STX8: variants seen among roughly 807,000 people sequenced by gnomAD.
STX8 encodes syntaxin-8.
In STX8, 23 loss-of-function variants were observed where a neutral mutation model predicts 37.5. That is an observed-to-expected ratio of 0.61 (90% CI 0.44 to 0.87). STX8 has a LOEUF of 0.87. Ranked by LOEUF, STX8 falls within the 40% of genes least tolerant of loss-of-function variation. The pLI, the probability that STX8 is intolerant of heterozygous loss-of-function variation, is 0.00. For missense variants in STX8, 313 were observed against 284.7 expected (o/e 1.10, Z -0.71); for synonymous variants, 115 against 99.1 (o/e 1.16, Z -0.95).
intron 6 of STX8, among the ~76,000 whole-genome samples, chr17:9,438,945 A>G (rs1426347207): frequency 2.6e-5 from 4 of 151,996 alleles, no homozygotes; most frequent in Non-Finnish European, 5.9e-5. Flanking sequence ...ACAAAAAACA[A>G]CAACAAAAAA....
intron 6 of STX8, among the ~76,000 whole-genome samples, 156 bp from the exon 7 acceptor site, chr17:9,378,809 AT>A (rs1043726158): frequency 6.6e-6 from 1 of 151,972 alleles, no homozygotes; most frequent in African/African-American, 2.4e-5. Flanking sequence ...TGCAATTCTG[AT>A]TGTAAAAGGA....
At chr17:9,371,583 C>T (rs1006667700) in intron 7 of STX8, among the ~76,000 whole-genome samples, 6 of 151,946 alleles carry the variant, frequency 3.9e-5, no homozygotes, top group Admixed American at 2.0e-4. Flanking sequence ...ATTTAACTGC[C>T]TAGCATTTGG....
intron 6 of STX8, among the ~76,000 whole-genome samples, chr17:9,413,034 C>T (rs1913035330): frequency 6.6e-6 from 1 of 152,126 alleles, no homozygotes; most frequent in Admixed American, 6.5e-5. Flanking sequence ...TGGGCTAAGT[C>T]CTAGATGTAT....
chr17:9,279,893 A>G (rs1388454666), intron 7 of STX8, among the ~76,000 whole-genome samples: 1 of 152,250 alleles, frequency 6.6e-6, no homozygotes, highest in Non-Finnish European at 1.5e-5. Flanking sequence ...GATAGCTTAA[A>G]ATACATCAAT....
chr17:9,340,171 C>G (rs1197383154), intron 7 of STX8, among the ~76,000 whole-genome samples: 2 of 152,232 alleles, frequency 1.3e-5, no homozygotes, highest in African/African-American at 4.8e-5. Flanking sequence ...CAAACACCTG[C>G]CGAGGCCAGT....
intron 5 of STX8, among the ~76,000 whole-genome samples, chr17:9,504,346 A>T (rs1904739701): frequency 6.6e-6 from 1 of 152,082 alleles, no homozygotes; most frequent in South Asian, 2.1e-4. Context: ...TTAAAAAAAA[A>T]AAGTTAAAAA....
At chr17:9,443,995 T>C (rs557367381) in intron 6 of STX8, among the ~76,000 whole-genome samples, 11 of 152,224 alleles carry the variant, frequency 7.2e-5, no homozygotes, top group Non-Finnish European at 1.3e-4. Context: ...CGACGAATGA[T>C]TTCTGTCATC....
intron 6 of STX8, among the ~76,000 whole-genome samples, chr17:9,406,860 T>G (rs1462683556): frequency 6.6e-6 from 1 of 152,108 alleles, no homozygotes; most frequent in Non-Finnish European, 1.5e-5. Flanking sequence ...CCGGGTCAAG[T>G]GTATATTGGA....
At chr17:9,440,805 G>A (rs11657356) in intron 6 of STX8, among the ~76,000 whole-genome samples, 48,093 of 152,040 alleles carry the variant, frequency 0.32, 8,147 homozygotes, top group African/African-American at 0.42. Context: ...GATTACAGGC[G>A]TGAGCCACCG....
At chr17:9,541,122 T>C (rs188660635) in intron 4 of STX8, among the ~76,000 whole-genome samples, 81 of 152,284 alleles carry the variant, frequency 5.3e-4, no homozygotes, top group African/African-American at 1.8e-3. Context: ...CATCAACTAA[T>C]TCACTGTGGT....
chr17:9,423,668 G>A (rs757749265), intron 6 of STX8, among the ~76,000 whole-genome samples: 25 of 152,170 alleles, frequency 1.6e-4, no homozygotes, highest in Non-Finnish European at 2.8e-4. Context: ...AAAATGCTAT[G>A]TTGAAAACTG....
intron 6 of STX8, among the ~76,000 whole-genome samples, chr17:9,436,276 C>T (rs575837032): frequency 6.7e-6 from 1 of 149,738 alleles, no homozygotes; most frequent in Non-Finnish European, 1.5e-5. Flanking sequence ...ACCCGGGAGG[C>T]GGAGCTTGCA....
At chr17:9,388,070 ATTT>A (rs573146328) in intron 6 of STX8, among the ~76,000 whole-genome samples, 2,413 of 130,292 alleles carry the variant, frequency 0.019, 79 homozygotes, top group African/African-American at 0.062. Flanking sequence ...AAACAACTCT[ATTT>A]TTTTTTTTTT....
intron 3 of STX8, among the ~76,000 whole-genome samples, chr17:9,549,899 G>A (rs780858483): frequency 6.6e-6 from 1 of 152,100 alleles, no homozygotes; most frequent in Non-Finnish European, 1.5e-5. Flanking sequence ...GGGAAACAGT[G>A]TGCCTGAGTG....
At chr17:9,256,501 G>A (rs953623948) in intron 7 of STX8, among the ~76,000 whole-genome samples, 1 of 152,200 alleles carries the variant, frequency 6.6e-6, no homozygotes, top group Admixed American at 6.5e-5. Context: ...GTCAGCTTTC[G>A]CAAGGATCCA....
chr17:9,360,259 A>C (rs1473872890), intron 7 of STX8, among the ~76,000 whole-genome samples: 1 of 107,022 alleles, frequency 9.3e-6, no homozygotes, highest in Non-Finnish European at 1.7e-5. Context: ...TTTGAGTCAG[A>C]GTCTCACTCT....
chr17:9,412,797 C>A (rs1174650792), intron 6 of STX8, among the ~76,000 whole-genome samples: 1 of 152,014 alleles, frequency 6.6e-6, no homozygotes, highest in African/African-American at 2.4e-5. Context: ...GTGCTCTCTG[C>A]ATGTAAATAT....
intron 7 of STX8, among the ~76,000 whole-genome samples, chr17:9,275,915 C>T (rs192074279): frequency 3.3e-5 from 5 of 151,826 alleles, no homozygotes; most frequent in South Asian, 2.1e-4. Flanking sequence ...ATAACAGTAG[C>T]GTATATATAA....
At chr17:9,413,400 A>G (rs1279638126) in intron 6 of STX8, among the ~76,000 whole-genome samples, 3 of 152,216 alleles carry the variant, frequency 2.0e-5, no homozygotes, top group African/African-American at 7.2e-5. Flanking sequence ...GCTGGGGGAC[A>G]TGGAGCTGTG....
Sources: gnomAD v4.1 joint callset for allele counts (sites outside exome capture counted in the v4.1 genomes callset) on GRCh38, gnomAD v4.1.1 for gene constraint, MANE v1.5 for transcripts, NCBI Gene and HGNC (gene_info 2026-07-23, HGNC 2026-07-21) for gene names.